The following DOCK5 variants were observed in gnomAD, a reference collection of about 807,000 sequenced individuals.
DOCK5 encodes the protein dedicator of cytokinesis 5, also known as dedicator of cytokinesis protein 5.
DOCK5 carries 142 observed loss-of-function variants against 251.8 expected under a neutral mutation model. That is an observed-to-expected ratio of 0.56 (90% CI 0.49 to 0.65). The LOEUF is 0.65. DOCK5 is among the 30% of genes least tolerant of loss of function. The pLI is 0.00. For missense variants in DOCK5, 2,111 were observed against 2,312.3 expected, an observed-to-expected ratio of 0.91 and a Z score of 1.79; for synonymous variants, 842 against 835.5, an observed-to-expected ratio of 1.01 and a Z score of -0.13.
At chr8:25,340,770 A>G (rs1013794623) in intron 22 of DOCK5, 107 bp from the exon 23 acceptor site, 23 of 877,280 alleles carry the variant, frequency 2.6e-5, no homozygotes, top group Non-Finnish European at 3.7e-5. Flanking sequence ...GTGAGTCAGA[A>G]TGATTAGGGT....
intron 45 of DOCK5, among the ~76,000 whole-genome samples, chr8:25,399,028 A>T (rs1506867): frequency 0.35 from 53,946 of 152,060 alleles, 9,652 homozygotes; most frequent in South Asian, 0.37. Flanking sequence ...TTGGCTCTCA[A>T]GGCATTAAAG....
intron 31 of DOCK5, 110 bp downstream of exon 31, chr8:25,367,080 G>T: frequency 2.1e-6 from 2 of 931,570 alleles, no homozygotes; most frequent in Non-Finnish European, 1.7e-6. Flanking sequence ...TACCCATGTT[G>T]TTAGTGAGGT....
intron 30 of DOCK5, 53 bp from the exon 31 acceptor site, chr8:25,366,817 C>A: frequency 7.1e-7 from 1 of 1,411,594 alleles, no homozygotes; most frequent in Non-Finnish European, 9.9e-7. Context: ...TATTATGGCC[C>A]TTATTAATGT....
intron 13 of DOCK5, among the ~76,000 whole-genome samples, chr8:25,316,586 A>G (rs545444213): frequency 1.3e-5 from 2 of 152,242 alleles, no homozygotes; most frequent in Non-Finnish European, 2.9e-5. Flanking sequence ...ATTAATACAT[A>G]TAAGACATTT....
chr8:25,323,675 G>A (rs1805485073), intron 16 of DOCK5, among the ~76,000 whole-genome samples, 173 bp from the exon 17 acceptor site: 1 of 152,164 alleles, frequency 6.6e-6, no homozygotes, highest in African/African-American at 2.4e-5. Flanking sequence ...CATACTTGGG[G>A]GTGCCAGGCA....
At chr8:25,299,301 ACT>A (rs1213623777) in intron 8 of DOCK5, 200 bp downstream of exon 8, 1 of 531,754 alleles carries the variant, frequency 1.9e-6, no homozygotes, top group African/African-American at 2.0e-5. Flanking sequence ...CAGTTTGTAT[ACT>A]CTCTGGGATT....
At chr8:25,205,395 T>C (rs2117468988) in intron 1 of DOCK5, among the ~76,000 whole-genome samples, 1 of 152,354 alleles carries the variant, frequency 6.6e-6, no homozygotes, top group East Asian at 1.9e-4. Flanking sequence ...ATCTTGGACT[T>C]CCAGCCCCCA....
chr8:25,366,225 T>C (rs541568608), intron 30 of DOCK5, among the ~76,000 whole-genome samples: 7 of 152,204 alleles, frequency 4.6e-5, no homozygotes, highest in Non-Finnish European at 1.0e-4. Context: ...GCACGGTGGC[T>C]CACGCCTATA....
In DOCK5 at chr8:25,412,341, G is replaced by A. The variant is rs1031207261; in HGVS notation, c.*1043G>A. 3.3e-5 allele frequency: 5 copies of A among 152,034 alleles called. No homozygotes were observed. Among genetic ancestry groups the A allele is most frequent in the East Asian group, 3.9e-4 (2 of 5,190 alleles). The allele number at this position is 152,034 out of a possible 1,614,324, so 9.4% of individuals were successfully genotyped here. On this transcript the variant is annotated 3_prime_UTR_variant, in exon 52 of 52. Transcript: ENST00000276440. Reference sequence around the variant, plus strand: ...CTCCTTTCAGAAGAAAAAATGGAGCGATTTAGGTGACCAAATATTACATAC... The same window carrying A: ...CTCCTTTCAGAAGAAAAAATGGAGCAATTTAGGTGACCAAATATTACATAC...
intron 1 of DOCK5, among the ~76,000 whole-genome samples, chr8:25,190,332 A>C (rs913694147): frequency 3.9e-4 from 59 of 152,242 alleles, no homozygotes; most frequent in African/African-American, 1.4e-3. Flanking sequence ...GTGATACTGC[A>C]GTATATGTAC....
intron 2 of DOCK5, among the ~76,000 whole-genome samples, chr8:25,259,722 A>C (rs1803521339): frequency 6.6e-6 from 1 of 152,174 alleles, no homozygotes; most frequent in South Asian, 2.1e-4. Flanking sequence ...TGGCCTCCCA[A>C]AGTGGTGGGA....
In DOCK5 at chr8:25,193,355, A is replaced by AT. The variant is rs796086651; in HGVS notation, c.43+8415dup. ...GAATGAAGAAACTTATCTAACGTGT[A>AT]TTTTTTTTTTTAAGGCACATTACAG... On this transcript the variant is annotated intron_variant, in intron 1 of 51. Transcript: ENST00000276440. Among the ~76,000 whole-genome samples, 396 of 143,072 alleles carry AT rather than the reference A, an allele frequency of 2.8e-3. 1 individual carries two copies. Among genetic ancestry groups the AT allele is most frequent in the East Asian group, 8.5e-3 (42 of 4,970 alleles). The allele number at this position is 143,072 out of a possible 152,430, so 93.9% of individuals were successfully genotyped here.
At position 25,326,248 on chromosome 8, in the gene DOCK5, A is replaced by G. The variant is rs149776248; in HGVS notation, c.1903+701A>G. Among the ~76,000 whole-genome samples the G allele has an allele frequency of 3.1e-3, 477 of 152,306 alleles. 3 individuals carry two copies. Among genetic ancestry groups the G allele is most frequent in the Middle Eastern group, 0.01 (3 of 294 alleles). On this transcript the variant is annotated intron_variant, in intron 18 of 51. Transcript: ENST00000276440. ...ACTTGCGCTAGAAATTCTGTCTCCC[A>G]TATGCCGTGTAGAGACTGTTGCCTT...
chr8:25,264,778 C>T (rs2117590766), intron 2 of DOCK5, among the ~76,000 whole-genome samples: 1 of 151,652 alleles, frequency 6.6e-6, no homozygotes, highest in South Asian at 2.1e-4. Flanking sequence ...AGTGAACCAA[C>T]ATTGCACCAC....
At chr8:25,331,735 G>GA (rs1384020783) in intron 18 of DOCK5, among the ~76,000 whole-genome samples, 5 of 140,096 alleles carry the variant, frequency 3.6e-5, no homozygotes, top group African/African-American at 1.3e-4. Flanking sequence ...TCTAAAAGAT[G>GA]AAAAAAATAA....
intron 39 of DOCK5, among the ~76,000 whole-genome samples, chr8:25,381,984 C>A (rs1374679636): frequency 6.6e-6 from 1 of 152,192 alleles, no homozygotes; most frequent in African/African-American, 2.4e-5. Context: ...GCATGAACTA[C>A]ACAGTCCTTC....
At chr8:25,402,534 G>T (rs1490670731) in intron 47 of DOCK5, among the ~76,000 whole-genome samples, 1 of 152,020 alleles carries the variant, frequency 6.6e-6, no homozygotes, top group African/African-American at 2.4e-5. Context: ...CTGACCTTGT[G>T]ATCCGCCTGC....
intron 40 of DOCK5, 51 bp from the exon 41 acceptor site, chr8:25,389,040 C>A: frequency 6.3e-7 from 1 of 1,584,642 alleles, no homozygotes; most frequent in Non-Finnish European, 8.6e-7. Flanking sequence ...ACTCCAGTTG[C>A]CTCTCCACTC....
intron 1 of DOCK5, among the ~76,000 whole-genome samples, chr8:25,235,840 C>T (rs1202734397): frequency 1.5e-5 from 2 of 137,582 alleles, no homozygotes; most frequent in Admixed American, 1.6e-4. Context: ...CACTGTCGTG[C>T]AGGCTGGAGT....
Sources: gnomAD v4.1 joint callset for allele counts (sites outside exome capture counted in the v4.1 genomes callset) on GRCh38, gnomAD v4.1.1 for gene constraint, MANE v1.5 for transcripts, NCBI Gene and HGNC (gene_info 2026-07-23, HGNC 2026-07-21) for gene names.